RORA: variants seen among roughly 807,000 people sequenced by gnomAD.
RORA encodes nuclear receptor ROR-alpha.
Under a neutral mutation model 69.5 loss-of-function variants are expected in RORA, and 7 were observed. The observed-to-expected ratio is 0.10, with a 90% confidence interval of 0.06 to 0.19. The LOEUF (loss-of-function observed/expected upper bound fraction) is 0.19. Among genes scored for constraint, RORA ranks in the 10% least tolerant of loss-of-function variants. The pLI, the probability that RORA is intolerant of heterozygous loss-of-function variation, is 1.00. For missense variants in RORA, 457 were observed against 663.0 expected (o/e 0.69, Z 3.41); for synonymous variants, 261 against 240.8 (o/e 1.08, Z -0.78).
chr15:60,520,778 T>C (rs2066138518), intron 3 of RORA, among the ~76,000 whole-genome samples: 2 of 152,184 alleles, frequency 1.3e-5, no homozygotes, highest in Non-Finnish European at 2.9e-5. Flanking sequence ...GTACATAATT[T>C]GGCAATTTTG....
At chr15:61,153,380 T>G (rs1179486638) in intron 1 of RORA, among the ~76,000 whole-genome samples, 1 of 152,158 alleles carries the variant, frequency 6.6e-6, no homozygotes, top group Non-Finnish European at 1.5e-5. Context: ...GTGAGGGAAA[T>G]TTTACTAATT....
intron 1 of RORA, among the ~76,000 whole-genome samples, chr15:61,176,812 C>A (rs1304156382): frequency 1.3e-5 from 2 of 152,078 alleles, no homozygotes; most frequent in Non-Finnish European, 2.9e-5. Context: ...GTAAAAATGA[C>A]TACTATTATT....
chr15:61,134,687 C>T (rs763229833), intron 1 of RORA, among the ~76,000 whole-genome samples: 2 of 152,160 alleles, frequency 1.3e-5, no homozygotes, highest in Admixed American at 1.3e-4. Flanking sequence ...ATGAAATGCA[C>T]ACCACAATGT....
At chr15:60,517,766 T>C (rs1005229789) in intron 3 of RORA, among the ~76,000 whole-genome samples, 1 of 152,238 alleles carries the variant, frequency 6.6e-6, no homozygotes, top group African/African-American at 2.4e-5. Flanking sequence ...GGAATGTATT[T>C]GTTTTTGCTT....
At chr15:60,732,789 A>C (rs541722977) in intron 1 of RORA, among the ~76,000 whole-genome samples, 15 of 151,854 alleles carry the variant, frequency 9.9e-5, no homozygotes, top group African/African-American at 3.4e-4. Flanking sequence ...ACAATCACAC[A>C]CACACCCACA....
intron 2 of RORA, among the ~76,000 whole-genome samples, chr15:60,590,691 G>GT (rs1555434865): frequency 6.6e-6 from 1 of 151,716 alleles, no homozygotes; most frequent in Non-Finnish European, 1.5e-5. Flanking sequence ...TAGCATAAAA[G>GT]TTTTTTGGGG....
intron 1 of RORA, among the ~76,000 whole-genome samples, chr15:60,724,944 A>C (rs990934768): frequency 6.6e-6 from 1 of 152,118 alleles, no homozygotes; most frequent in South Asian, 2.1e-4. Context: ...CTGTAGCTTC[A>C]TCTGCCTATG....
At chr15:61,100,504 G>C (rs1416052792) in intron 1 of RORA, among the ~76,000 whole-genome samples, 1 of 152,212 alleles carries the variant, frequency 6.6e-6, no homozygotes, top group East Asian at 1.9e-4. Flanking sequence ...GGAAGAAGCA[G>C]AACAGTGTGC....
At chr15:61,025,440 C>G (rs542187454) in intron 1 of RORA, among the ~76,000 whole-genome samples, 1 of 152,312 alleles carries the variant, frequency 6.6e-6, no homozygotes, top group Non-Finnish European at 1.5e-5. Context: ...AGCAGCAGGG[C>G]AAACCCTGTT....
intron 1 of RORA, among the ~76,000 whole-genome samples, chr15:61,036,319 G>C (rs1896455446): frequency 6.6e-6 from 1 of 152,172 alleles, no homozygotes; most frequent in Admixed American, 6.5e-5. Flanking sequence ...AGAGGAAGTA[G>C]AGGTTTGCCT....
At chr15:60,845,907 C>T (rs1437095621) in intron 1 of RORA, among the ~76,000 whole-genome samples, 2 of 152,084 alleles carry the variant, frequency 1.3e-5, no homozygotes, top group African/African-American at 2.4e-5. Context: ...CCACCACACC[C>T]GGCTAATTTT....
rs1172665747 is a variant in RORA at position 60,531,601 on chromosome 15, C to T, written c.282+165G>A. ...AAGGAAGGAGTAAAAATATATATAACTTCTTTAATTGTAATTTAACACCAA... is the reference window on the plus strand; with the variant it reads ...AAGGAAGGAGTAAAAATATATATAATTTCTTTAATTGTAATTTAACACCAA... On this transcript the variant is annotated intron_variant, in intron 3 of 10. Transcript: ENST00000335670. The surrounding 1 kb of genome is among the most constrained non-coding windows in gnomAD (Gnocchi z 4.8). The T allele has an allele frequency of 9.2e-6, 5 of 540,998 alleles. No individual in the cohort carries two copies. The highest frequency in any genetic ancestry group is 4.0e-5 in the African/African-American group (2 of 49,482). The allele number at this position is 540,998 out of a possible 1,614,324, so 33.5% of individuals were successfully genotyped here. A position where few individuals can be genotyped will look rare whatever the true frequency, so the allele number is the denominator to read the frequency against.
intron 1 of RORA, among the ~76,000 whole-genome samples, chr15:60,996,071 GT>G (rs35698487): frequency 1.6e-4 from 22 of 135,326 alleles, no homozygotes; most frequent in African/African-American, 2.0e-4. Context: ...CTTGTTTTTT[GT>G]TTTTTTTTTT....
chr15:60,630,922 C>T (rs1234902463), intron 2 of RORA, among the ~76,000 whole-genome samples: 1 of 114,976 alleles, frequency 8.7e-6, no homozygotes, highest in East Asian at 2.9e-4. Context: ...GAGTCTCGCT[C>T]TGTCACCAAG....
At chr15:60,558,508 A>G (rs780619333) in intron 2 of RORA, 26 of 475,304 alleles carry the variant, frequency 5.5e-5, no homozygotes, top group Non-Finnish European at 9.6e-5. Flanking sequence ...CTAAGACTGG[A>G]TTGTGGTTAA....
At chr15:60,700,448 A>G (rs2070966077) in intron 1 of RORA, among the ~76,000 whole-genome samples, 1 of 152,208 alleles carries the variant, frequency 6.6e-6, no homozygotes, top group Admixed American at 6.5e-5. Context: ...CTTTCATGCC[A>G]CTGATAGGAA....
chr15:60,916,644 A>G (rs1891880754), intron 1 of RORA, among the ~76,000 whole-genome samples: 1 of 152,212 alleles, frequency 6.6e-6, no homozygotes, highest in Non-Finnish European at 1.5e-5. Context: ...ACCAATGCCC[A>G]GGCCACATCA....
chr15:61,037,461 G>A (rs1896515423), intron 1 of RORA, among the ~76,000 whole-genome samples: 1 of 152,180 alleles, frequency 6.6e-6, no homozygotes, highest in East Asian at 1.9e-4. Context: ...TCAATCTCCT[G>A]TAGCACAATA....
intron 1 of RORA, among the ~76,000 whole-genome samples, chr15:60,784,598 A>G (rs374849736): frequency 8.8e-4 from 134 of 152,282 alleles, no homozygotes; most frequent in African/African-American, 3.1e-3. Flanking sequence ...CTGTTGTTAG[A>G]CTGAATCCAT....
Sources: allele counts gnomAD v4.1 joint callset (sites outside exome capture counted in the v4.1 genomes callset), GRCh38; gene constraint gnomAD v4.1.1; non-coding constraint Gnocchi (gnomAD v3.1); transcripts MANE v1.5; gene names NCBI Gene and HGNC (gene_info 2026-07-23, HGNC 2026-07-21).